STIM1: variants seen among roughly 807,000 people sequenced by gnomAD.
The protein encoded by STIM1 is stromal interaction molecule 1.
A neutral mutation model predicts 74.7 loss-of-function variants in STIM1; 25 were observed. That is an observed-to-expected ratio of 0.33 (90% CI 0.24 to 0.47). The LOEUF (loss-of-function observed/expected upper bound fraction) is 0.47, where lower values mean the gene tolerates loss of function less well. Ranked by LOEUF, STIM1 falls within the 20% of genes least tolerant of loss-of-function variation. STIM1 has a pLI of 1.00. For missense variants in STIM1, 728 were observed against 920.8 expected (o/e 0.79, Z 2.71); for synonymous variants, 328 against 348.8 (o/e 0.94, Z 0.66).
chr11:4,088,360 C>T (rs2094504908), intron 12 of STIM1, among the ~76,000 whole-genome samples: 1 of 152,168 alleles, frequency 6.6e-6, no homozygotes, highest in Admixed American at 6.5e-5. Flanking sequence ...TTCTATCTCA[C>T]TCTGGATACC....
chr11:4,086,997 C>T (rs2094497866), intron 12 of STIM1: 1 of 1,296,844 alleles, frequency 7.7e-7, no homozygotes, highest in South Asian at 1.6e-5. Context: ...TGTTTGTTCC[C>T]AGCTCTGGGA....
Position 4,083,393 on chromosome 11 carries a change from G to A in STIM1, c.1369G>A (p.Asp457Asn). ...IHSLVAALNI[D>N]PSWMGSTRPN... ...CTCACTGGTGGCTGCCCTCAACATA[G>A]ACCCCAGCTGGATGGGCAGTACACG... is the stretch of plus-strand genomic sequence containing the variant. Residue 457 changes from aspartate (D) to asparagine (N), a missense_variant, in exon 10 of 13, where the codon GAC becomes AAC. Physicochemically the swap from Asp to Asn is conservative, Grantham distance 23. Transcript: ENST00000526596. The A allele has an allele frequency of 1.2e-6, 2 of 1,614,250 alleles. No individual in the cohort carries two copies. Among genetic ancestry groups the A allele is most frequent in the Non-Finnish European group, 1.7e-6 (2 of 1,180,052 alleles).
At chr11:3,892,422 T>G in intron 1 of STIM1, 1 of 1,453,596 alleles carries the variant, frequency 6.9e-7, no homozygotes, top group Non-Finnish European at 9.6e-7. Flanking sequence ...GCAGTGGTGA[T>G]CTTCTTGCTG....
At chr11:3,947,154 C>T (rs1432018259) in intron 1 of STIM1, among the ~76,000 whole-genome samples, 2 of 147,294 alleles carry the variant, frequency 1.4e-5, no homozygotes, top group African/African-American at 5.0e-5. Context: ...ATTTCTGTGA[C>T]AGTTAACAGC....
intron 2 of STIM1, among the ~76,000 whole-genome samples, chr11:3,990,116 C>T (rs1489684157): frequency 6.6e-6 from 1 of 152,200 alleles, no homozygotes; most frequent in East Asian, 1.9e-4. Context: ...TTGCCTATTA[C>T]GGACATTTCA....
chr11:4,036,458 T>C (rs1053319791), intron 3 of STIM1, among the ~76,000 whole-genome samples: 2 of 152,204 alleles, frequency 1.3e-5, no homozygotes, highest in Admixed American at 1.3e-4. Context: ...GTGAACTAAT[T>C]TGCATTCCCA....
chr11:3,986,946 C>T (rs1428141721), intron 2 of STIM1, among the ~76,000 whole-genome samples: 1 of 152,222 alleles, frequency 6.6e-6, no homozygotes, highest in East Asian at 1.9e-4. Context: ...TAGGCATACA[C>T]CTCAGCAGTT....
At chr11:3,993,746 C>T (rs947452307) in intron 2 of STIM1, among the ~76,000 whole-genome samples, 8 of 152,174 alleles carry the variant, frequency 5.3e-5, no homozygotes, top group Admixed American at 1.3e-4. Context: ...CCAGACCACC[C>T]TATTTAATAA....
chr11:4,024,320 G>T (rs946896379), intron 3 of STIM1, among the ~76,000 whole-genome samples: 3 of 152,088 alleles, frequency 2.0e-5, no homozygotes, highest in Non-Finnish European at 4.4e-5. Context: ...GTCTCTTGAG[G>T]CAGCCCCTTT....
intron 3 of STIM1, among the ~76,000 whole-genome samples, chr11:4,028,839 AC>A (rs2094022280): frequency 2.0e-5 from 3 of 152,150 alleles, no homozygotes; most frequent in Admixed American, 1.3e-4. Flanking sequence ...GTGCCTGTGG[AC>A]TTTGCCATAG....
At position 3,922,126 on chromosome 11, in the gene STIM1, A is replaced by T. The variant is rs1480692921; in HGVS notation, c.140-45426A>T. Among the ~76,000 whole-genome samples the T allele has an allele frequency of 2.6e-5, 4 of 152,238 alleles. No individual in the cohort carries two copies. The South Asian group carries it at 8.3e-4, about 32-fold the overall frequency. ...TATGCAATTATAGATATTAATATAC[A>T]TTCCTACAAGCAGAATATGAGAATT... On this transcript the variant is annotated intron_variant, in intron 1 of 12. Coordinates refer to ENST00000526596, the MANE Select transcript of STIM1 (RefSeq NM_001382567.1).
rs1006243558 is a variant in STIM1 at position 3,913,057 on chromosome 11, C to G, written c.140-54495C>G. ...TCCCACTCTCATTTGAGACTGCTCACTGCTTAACTATTATGAGAGAGAAAT... is the reference window on the plus strand; with the variant it reads ...TCCCACTCTCATTTGAGACTGCTCAGTGCTTAACTATTATGAGAGAGAAAT... On this transcript the variant is annotated intron_variant, in intron 1 of 12. Coordinates refer to ENST00000526596, the MANE Select transcript of STIM1 (RefSeq NM_001382567.1). Among the ~76,000 whole-genome samples the G allele has an allele frequency of 3.3e-5, 5 of 152,308 alleles. No individual in the cohort carries two copies. In the East Asian group the frequency reaches 7.7e-4, roughly 23 times the overall value.
chr11:3,888,939 G>A (rs11030173), intron 1 of STIM1, among the ~76,000 whole-genome samples: 15,403 of 151,724 alleles, frequency 0.1, 871 homozygotes, highest in Middle Eastern at 0.17. Flanking sequence ...GCTTTACTAT[G>A]GGGGTGGAGC....
chr11:3,895,301 A>G (rs953706614), intron 1 of STIM1, among the ~76,000 whole-genome samples: 1 of 152,178 alleles, frequency 6.6e-6, no homozygotes, highest in South Asian at 2.1e-4. Flanking sequence ...TCCTAGTGAC[A>G]GTGCAAATAC....
chr11:4,023,982 C>A lies in STIM1; in HGVS notation c.380C>A (p.Ser127Ter). 1 of 1,613,570 alleles carries A rather than the reference C, an allele frequency of 6.2e-7. No individual in the cohort carries two copies. Among genetic ancestry groups the A allele is most frequent in the East Asian group, 2.2e-5 (1 of 44,872 alleles). ...VEDLWKAWKS[S>*]EVYNWTVDEV... ...GACCTGTGGAAGGCATGGAAGTCAT[C>A]AGAAGGTAATAGGCAGCCTGGTCAT... Residue 127 changes from serine (S) to a stop codon, truncating the protein, a stop_gained, in exon 3 of 13, where the codon TCA becomes TAA. Transcript: ENST00000526596. LOFTEE classifies it high-confidence loss of function.
intron 1 of STIM1, among the ~76,000 whole-genome samples, chr11:3,932,325 A>ATT (rs1351099737): frequency 6.6e-6 from 1 of 152,210 alleles, no homozygotes; most frequent in African/African-American, 2.4e-5. Flanking sequence ...TGATTAGGTC[A>ATT]TTAGGACAGA....
chr11:3,920,604 A>G (rs1331903339), intron 1 of STIM1, among the ~76,000 whole-genome samples: 3 of 152,120 alleles, frequency 2.0e-5, no homozygotes, highest in South Asian at 2.1e-4. Context: ...TGACAAACTC[A>G]GCAGTTAAAG....
intron 1 of STIM1, among the ~76,000 whole-genome samples, chr11:3,910,393 G>A (rs1373997713): frequency 3.3e-5 from 5 of 152,120 alleles, no homozygotes; most frequent in African/African-American, 1.2e-4. Flanking sequence ...GATGAAACCT[G>A]ACCTGAGTGA....
chr11:3,895,570 C>A (rs191786818), intron 1 of STIM1, among the ~76,000 whole-genome samples: 1 of 151,154 alleles, frequency 6.6e-6, no homozygotes, highest in South Asian at 2.1e-4. Context: ...ATAGCTAATT[C>A]GGCTCTGGGT....
Sources: allele counts gnomAD v4.1 joint callset (sites outside exome capture counted in the v4.1 genomes callset), GRCh38; gene constraint gnomAD v4.1.1; transcripts MANE v1.5; gene names NCBI Gene and HGNC (gene_info 2026-07-23, HGNC 2026-07-21).